Variants in RAB3IL1 observed in about 807,000 individuals in gnomAD.
RAB3IL1 encodes the protein RAB3A interacting protein like 1, also known as guanine nucleotide exchange factor for Rab-3A.
A neutral mutation model predicts 49.2 loss-of-function variants in RAB3IL1; 37 were observed. That is an observed-to-expected ratio of 0.75 (90% CI 0.58 to 0.99). The LOEUF (loss-of-function observed/expected upper bound fraction) is 0.99, where lower values mean the gene tolerates loss of function less well. Among genes scored for constraint, RAB3IL1 ranks in the 50% least tolerant of loss-of-function variants. The pLI, the probability that RAB3IL1 is intolerant of heterozygous loss-of-function variation, is 0.00. For missense variants in RAB3IL1, 484 were observed against 513.0 expected, an observed-to-expected ratio of 0.94 and a Z score of 0.55; for synonymous variants, 193 against 213.9, an observed-to-expected ratio of 0.90 and a Z score of 0.85.
Position 61,898,176 on chromosome 11 carries a change from G to A in RAB3IL1, c.*102C>T. ...CTGTCTGTCCATCCATTCTGCCTCTGGCTCAGGGCTGGCTCCAGGCCCCCG... is the reference window on the plus strand; with the variant it reads ...CTGTCTGTCCATCCATTCTGCCTCTAGCTCAGGGCTGGCTCCAGGCCCCCG... On this transcript the variant is annotated 3_prime_UTR_variant, in exon 10 of 10. Transcript: ENST00000394836. This position sits in a 1 kb window ranked among gnomAD's most constrained non-coding sequence, Gnocchi z 5.1. 1 of 1,077,980 alleles carries A rather than the reference G, an allele frequency of 9.3e-7. No individual in the cohort carries two copies. The highest frequency in any genetic ancestry group is 1.4e-5 in the South Asian group (1 of 72,712). 66.8% of individuals were successfully genotyped at this position (1,077,980 alleles called of 1,614,324 possible). A position where few individuals can be genotyped will look rare whatever the true frequency, so the allele number is the denominator to read the frequency against.
chr11:61,942,040 A>G, the RAB3IL1 span, among the ~76,000 whole-genome samples: 151,259 of 152,144 alleles, frequency 0.99, 75,195 homozygotes, highest in Middle Eastern at 1. Context: ...GTGAAACCCC[A>G]CCTCTACTAA....
chr11:61,927,933 A>G, the RAB3IL1 span, among the ~76,000 whole-genome samples: 1 of 152,144 alleles, frequency 6.6e-6, no homozygotes, highest in African/African-American at 2.4e-5. Context: ...AGCGTTGAGT[A>G]GTTCTTATAG....
chr11:61,936,455 G>C, the RAB3IL1 span, among the ~76,000 whole-genome samples: 2 of 152,218 alleles, frequency 1.3e-5, no homozygotes, highest in African/African-American at 4.8e-5. Flanking sequence ...AGGCTGGAGT[G>C]CAGTGGCACG....
the RAB3IL1 span, among the ~76,000 whole-genome samples, chr11:61,934,317 T>TACACACACACACACACAC: frequency 3.6e-4 from 12 of 33,218 alleles, no homozygotes; most frequent in African/African-American, 1.4e-3. Flanking sequence ...CCTGAGTAAA[T>TACACACACACACACACAC]ATACACACAC....
chr11:61,919,728 G>A (rs770113952), upstream of RAB3IL1, among the ~76,000 whole-genome samples: 103 of 152,254 alleles, frequency 6.8e-4, no homozygotes, highest in Admixed American at 1.6e-3. Flanking sequence ...ATCTCCCTCT[G>A]CCTGCTCCAT....
chr11:61,937,725 T>C, the RAB3IL1 span, among the ~76,000 whole-genome samples: 4 of 151,422 alleles, frequency 2.6e-5, no homozygotes, highest in East Asian at 5.8e-4. Context: ...TAGAAGGCAA[T>C]AATGAAGGAG....
At chr11:61,926,166 C>T in the RAB3IL1 span, among the ~76,000 whole-genome samples, 5 of 144,860 alleles carry the variant, frequency 3.5e-5, no homozygotes, top group Admixed American at 2.8e-4. Context: ...GAAAATATTC[C>T]CAGGCAATGG....
rs747984294 is a variant in RAB3IL1, at chr11:61,904,835, G to A, written c.705C>T (p.Pro235=). 1.2e-6 allele frequency: 2 copies of A among 1,610,126 alleles called. No homozygotes were observed. Among genetic ancestry groups the A allele is most frequent in the South Asian group, 2.2e-5 (2 of 90,564 alleles). Residue 235 remains proline (P), a synonymous_variant, in exon 6 of 10, where the codon CCC becomes CCT. Coordinates refer to ENST00000394836, the MANE Select transcript of RAB3IL1 (RefSeq NM_013401.4). ...GGAAGGGGCAGGTCTTGTCCAGGGT[G>A]GGGGATTCCCTCCAGGCCTGGAACT... ...FAEFQAWRES[P]TLDKTCPFLE...
chr11:61,927,107 G>T, the RAB3IL1 span, among the ~76,000 whole-genome samples: 1 of 152,162 alleles, frequency 6.6e-6, no homozygotes, highest in Non-Finnish European at 1.5e-5. Flanking sequence ...GCCTCCCAAA[G>T]TGCTAGGACT....
At chr11:61,905,335 C>G (rs1016889415) in intron 5 of RAB3IL1, among the ~76,000 whole-genome samples, 9 of 152,178 alleles carry the variant, frequency 5.9e-5, no homozygotes, top group African/African-American at 1.4e-4. Flanking sequence ...AGGCCACATG[C>G]AGAATGAGGG....
upstream of RAB3IL1, chr11:61,920,118 C>A (rs539255802): frequency 1.0e-4 from 137 of 1,353,806 alleles, no homozygotes; most frequent in African/African-American, 1.7e-3. Flanking sequence ...AGCGGACAGT[C>A]CCTGCACTCA....
In RAB3IL1 at chr11:61,897,483, G is replaced by A. The variant is rs1048282552; in HGVS notation, c.*795C>T. The stretch of plus-strand genomic sequence containing the variant: ...CCAGGCCCCACATGCCAGGGCGCGT[G>A]TCTGCATGGCCACCCACAGCTGAAA... On this transcript the variant is annotated 3_prime_UTR_variant, in exon 10 of 10. Transcript: ENST00000394836. 6.6e-6 allele frequency: 1 copy of A among 152,400 alleles called. No individual in the cohort carries two copies. Among genetic ancestry groups the A allele is most frequent in the Non-Finnish European group, 1.5e-5 (1 of 68,070 alleles). The allele number at this position is 152,400 out of a possible 1,614,324, so 9.4% of individuals were successfully genotyped here.
Position 61,906,777 on chromosome 11 carries a change from C to G in RAB3IL1, c.439-93G>C. 9 of 1,217,398 alleles carry G rather than the reference C, an allele frequency of 7.4e-6. No homozygotes were observed. The highest frequency in any genetic ancestry group is 1.1e-5 in the Non-Finnish European group (9 of 853,200). The allele number at this position is 1,217,398 out of a possible 1,614,324, so 75.4% of individuals were successfully genotyped here. On this transcript the variant is annotated intron_variant, in intron 4 of 9. Coordinates refer to ENST00000394836, the MANE Select transcript of RAB3IL1 (RefSeq NM_013401.4). This position sits in a 1 kb window ranked among gnomAD's most constrained non-coding sequence, Gnocchi z 4.6. ...CAGCCTAACTCAGGACAATGCACCC[C>G]TGCAGTGACAGGCACTTAGTCCCAC...
chr11:61,899,460 AG>A, intron 8 of RAB3IL1, 80 bp from the exon 9 acceptor site: 1 of 1,375,498 alleles, frequency 7.3e-7, no homozygotes. Context: ...AGTCCAGAGC[AG>A]GAGGCCCCAG....
intron 8 of RAB3IL1, among the ~76,000 whole-genome samples, chr11:61,899,979 G>A (rs1938821416): frequency 6.6e-6 from 1 of 152,224 alleles, no homozygotes. Context: ...CACGGAGAGG[G>A]TACTGTTGGT....
chr11:61,922,035 C>T (rs1376774183), upstream of RAB3IL1, among the ~76,000 whole-genome samples: 1 of 151,240 alleles, frequency 6.6e-6, no homozygotes, highest in African/African-American at 2.4e-5. Context: ...AAAAAAAAAC[C>T]CGTCTCTACT....
chr11:61,908,774 C>A (rs1231323412), intron 1 of RAB3IL1, among the ~76,000 whole-genome samples: 3 of 152,192 alleles, frequency 2.0e-5, no homozygotes, highest in African/African-American at 4.8e-5. Context: ...ACAGTTAATG[C>A]GAATTCTGCC....
chr11:61,929,275 C>A, the RAB3IL1 span, among the ~76,000 whole-genome samples: 1 of 152,060 alleles, frequency 6.6e-6, no homozygotes, highest in Non-Finnish European at 1.5e-5. Flanking sequence ...GAGGCTGAGG[C>A]AGGTGGATCG....
the RAB3IL1 span, among the ~76,000 whole-genome samples, chr11:61,932,884 C>G: frequency 6.6e-6 from 1 of 151,508 alleles, no homozygotes; most frequent in South Asian, 2.1e-4. Context: ...AATTCTCCTG[C>G]CTCAGCCTCC....
Sources: allele counts gnomAD v4.1 joint callset (sites outside exome capture counted in the v4.1 genomes callset), GRCh38; gene constraint gnomAD v4.1.1; non-coding constraint Gnocchi (gnomAD v3.1); transcripts MANE v1.5; gene names NCBI Gene and HGNC (gene_info 2026-07-23, HGNC 2026-07-21).